The following PLCXD3 variants were observed in gnomAD, a reference collection of about 807,000 sequenced individuals.
PLCXD3 encodes the protein phosphatidylinositol specific phospholipase C X domain containing 3, also known as PI-PLC X domain-containing protein 3.
Under a neutral mutation model 25.5 loss-of-function variants are expected in PLCXD3, and 19 were observed. The observed-to-expected ratio is 0.75, with a 90% CI of 0.52 to 1.09. The LOEUF (loss-of-function observed/expected upper bound fraction) is 1.09. Ranked by LOEUF, PLCXD3 falls within the 50% of genes least tolerant of loss-of-function variation. PLCXD3 has a pLI of 0.00. For synonymous variants in PLCXD3, 174 were observed against 137.6 expected, an observed-to-expected ratio of 1.26 and a Z score of -1.85; for missense variants, 411 against 388.1, an observed-to-expected ratio of 1.06 and a Z score of -0.50.
Position 41,382,019 on chromosome 5 carries a change from AGAGAAAGG to A in PLCXD3, c.611_618del (p.Pro204LeufsTer29). 6.2e-7 allele frequency: 1 copy of A among 1,613,588 alleles called. No individual in the cohort carries two copies. Among genetic ancestry groups the A allele is most frequent in the Non-Finnish European group, 8.5e-7 (1 of 1,179,736 alleles). ...GGTGCTGGCATCATCTGCCCAGGCC[AGAGAAAGG>A]GCACTTCCAGAGCCACTGGACTATG... On this transcript the variant is annotated frameshift_variant, in exon 2 of 3. Coordinates refer to ENST00000377801, the MANE Select transcript of PLCXD3 (RefSeq NM_001005473.3). LOFTEE classifies it high-confidence loss of function.
At chr5:41,343,714 A>G (rs1445559030) in intron 2 of PLCXD3, among the ~76,000 whole-genome samples, 1 of 152,160 alleles carries the variant, frequency 6.6e-6, no homozygotes, top group Non-Finnish European at 1.5e-5. Context: ...AAAACAGAGA[A>G]TATCTTCAGC....
At chr5:41,316,839 G>A (rs1472674300) in intron 2 of PLCXD3, among the ~76,000 whole-genome samples, 1 of 152,160 alleles carries the variant, frequency 6.6e-6, no homozygotes, top group Non-Finnish European at 1.5e-5. Context: ...CAGCTGCAAT[G>A]TAATTGGATA....
chr5:41,406,411 A>T (rs1746352043), intron 1 of PLCXD3, among the ~76,000 whole-genome samples: 1 of 152,126 alleles, frequency 6.6e-6, no homozygotes, highest in Admixed American at 6.6e-5. Context: ...ATAAGCTTAC[A>T]TGTCCCAAAC....
At chr5:41,468,893 G>C (rs948527512) in intron 1 of PLCXD3, among the ~76,000 whole-genome samples, 1 of 151,996 alleles carries the variant, frequency 6.6e-6, no homozygotes, top group South Asian at 2.1e-4. Context: ...TAATTCTTCT[G>C]GCTAGGACTT....
rs544589402 is a variant in PLCXD3, at chr5:41,329,801, C to A, written c.813-16031G>T. Among the ~76,000 whole-genome samples the A allele has an allele frequency of 4.6e-3, 685 of 148,036 alleles. 9 individuals are homozygous for A. Among genetic ancestry groups the A allele is most frequent in the African/African-American group, 0.016 (651 of 40,374 alleles). On this transcript the variant is annotated intron_variant, in intron 2 of 2. Coordinates refer to ENST00000377801, the MANE Select transcript of PLCXD3 (RefSeq NM_001005473.3). ...TTTTATATAATCAGATGTATTTAAT[C>A]TATTTTATTATATATTAATTATTAA...
intron 1 of PLCXD3, among the ~76,000 whole-genome samples, chr5:41,448,931 C>T (rs1357226065): frequency 1.3e-5 from 2 of 152,160 alleles, no homozygotes; most frequent in Non-Finnish European, 2.9e-5. Context: ...AAGAATCTTC[C>T]ATTTCAGTCA....
intron 2 of PLCXD3, among the ~76,000 whole-genome samples, chr5:41,350,847 G>A (rs1290607587): frequency 6.6e-6 from 1 of 152,106 alleles, no homozygotes; most frequent in Non-Finnish European, 1.5e-5. Flanking sequence ...TCCGTTTTAT[G>A]TCTTTGTTTT....
intron 2 of PLCXD3, among the ~76,000 whole-genome samples, chr5:41,361,820 T>G (rs951811453): frequency 6.6e-6 from 1 of 152,214 alleles, no homozygotes; most frequent in Non-Finnish European, 1.5e-5. Context: ...AATATTTTAC[T>G]TCATTGACTG....
chr5:41,489,732 G>A (rs1297360852), intron 1 of PLCXD3, among the ~76,000 whole-genome samples: 2 of 152,178 alleles, frequency 1.3e-5, no homozygotes, highest in East Asian at 1.9e-4. Context: ...TTGGCTCTCT[G>A]TTTGTCTGTT....
rs553255613 is a variant in PLCXD3 at position 41,307,083 on chromosome 5, C to T, written c.*6534G>A. ...ACTGTAGCCATGGATTTTCTTTACA[C>T]CACATTTATTAAAGTATCAATAACC... On this transcript the variant is annotated 3_prime_UTR_variant, in exon 3 of 3. Transcript: ENST00000377801. 5 of 152,626 alleles carry T rather than the reference C, an allele frequency of 3.3e-5. No homozygotes were observed. The East Asian group carries it at 9.6e-4, about 29-fold the overall frequency. 9.5% of individuals were successfully genotyped at this position (152,626 alleles called of 1,614,324 possible).
rs112057087 is a variant in PLCXD3 at position 41,449,070 on chromosome 5, C to T, written c.103+61354G>A. ...TATCCATGACTTCACTGGACTCCTACGATATATATAGTCTCTATTTTCACA... is the reference window on the plus strand; with the variant it reads ...TATCCATGACTTCACTGGACTCCTATGATATATATAGTCTCTATTTTCACA... On this transcript the variant is annotated intron_variant, in intron 1 of 2. Transcript: ENST00000377801. 3.9e-5 allele frequency among the ~76,000 whole-genome samples: 6 copies of T among 152,212 alleles called. 1 individual carries two copies. Among genetic ancestry groups the T allele is most frequent in the African/African-American group, 1.2e-4 (5 of 41,560 alleles).
intron 1 of PLCXD3, among the ~76,000 whole-genome samples, chr5:41,413,837 C>T (rs1466742234): frequency 6.6e-6 from 1 of 152,044 alleles, no homozygotes; most frequent in Non-Finnish European, 1.5e-5. Flanking sequence ...AAAATTCTCC[C>T]ATAAGATACA....
chr5:41,342,868 A>G (rs948107441), intron 2 of PLCXD3, among the ~76,000 whole-genome samples: 1 of 152,170 alleles, frequency 6.6e-6, no homozygotes, highest in African/African-American at 2.4e-5. Context: ...AATATAAACA[A>G]TGATGCCTCC....
intron 2 of PLCXD3, among the ~76,000 whole-genome samples, chr5:41,374,093 A>G (rs1359076096): frequency 3.3e-5 from 5 of 152,098 alleles, no homozygotes; most frequent in Admixed American, 3.3e-4. Flanking sequence ...GAGGGCACCA[A>G]TAAATATTGG....
intron 2 of PLCXD3, among the ~76,000 whole-genome samples, chr5:41,333,417 T>C (rs1743890424): frequency 6.6e-6 from 1 of 152,190 alleles, no homozygotes; most frequent in African/African-American, 2.4e-5. Context: ...AGAAGGTTAG[T>C]ATTTCATACA....
chr5:41,469,634 TTGATC>T (rs1235960978), intron 1 of PLCXD3, among the ~76,000 whole-genome samples: 5 of 152,206 alleles, frequency 3.3e-5, no homozygotes, highest in Non-Finnish European at 7.3e-5. Context: ...ATCCAATCTA[TTGATC>T]TATAATTGTT....
intron 1 of PLCXD3, among the ~76,000 whole-genome samples, chr5:41,468,337 T>G (rs1022248495): frequency 1.3e-5 from 2 of 152,078 alleles, no homozygotes; most frequent in East Asian, 3.9e-4. Context: ...TCTTTTTGCT[T>G]AAGATTGGTT....
At chr5:41,346,612 A>C (rs1744310099) in intron 2 of PLCXD3, among the ~76,000 whole-genome samples, 1 of 152,156 alleles carries the variant, frequency 6.6e-6, no homozygotes, top group Non-Finnish European at 1.5e-5. Flanking sequence ...TATAAAATTT[A>C]CCATTTTAAA....
intron 1 of PLCXD3, among the ~76,000 whole-genome samples, chr5:41,469,026 C>T (rs1748090395): frequency 1.3e-5 from 2 of 152,104 alleles, no homozygotes; most frequent in South Asian, 4.1e-4. Context: ...TTATATATGG[C>T]CTAACGGTGT....
Sources: allele counts gnomAD v4.1 joint callset (sites outside exome capture counted in the v4.1 genomes callset), GRCh38; gene constraint gnomAD v4.1.1; transcripts MANE v1.5; gene names NCBI Gene and HGNC (gene_info 2026-07-23, HGNC 2026-07-21).